GNG5: variants seen among roughly 807,000 people sequenced by gnomAD.
GNG5 encodes the protein guanine nucleotide-binding protein G(I)/G(S)/G(O) subunit gamma-5.
GNG5 carries 2 observed loss-of-function variants against 6.2 expected under a neutral mutation model. That is an observed-to-expected ratio of 0.32 (90% CI 0.13 to 1.01). The LOEUF (loss-of-function observed/expected upper bound fraction) is 1.01. Among genes scored for constraint, GNG5 ranks in the 50% least tolerant of loss-of-function variants. GNG5 has a pLI of 0.48. For missense variants in GNG5, 57 were observed against 80.2 expected, an observed-to-expected ratio of 0.71 and a Z score of 1.10; for synonymous variants, 24 against 33.0, an observed-to-expected ratio of 0.73 and a Z score of 0.93.
chr1:84,501,061 TAACA>T (rs1283693057), intron 3 of GNG5, among the ~76,000 whole-genome samples: 6 of 152,204 alleles, frequency 3.9e-5, no homozygotes, highest in Admixed American at 1.3e-4. Context: ...TCTCTTAGAT[TAACA>T]TACATTTTGT....
chr1:84,500,764 T>TA (rs900832435), intron 3 of GNG5, among the ~76,000 whole-genome samples: 23 of 152,254 alleles, frequency 1.5e-4, no homozygotes, highest in African/African-American at 5.5e-4. Flanking sequence ...AACATGTACT[T>TA]ATACAGACTT....
rs1682060363 is a variant in GNG5, at chr1:84,501,695, C to T, written c.*19+131G>A. On this transcript the variant is annotated intron_variant, in intron 3 of 3. Transcript: ENST00000370645. ...GTTTCATGAATCCTCACTTTCCTTG[C>T]AAAACAGAAAAATACTGGAAATGGA... 3 of 610,650 alleles carry T rather than the reference C, an allele frequency of 4.9e-6. No homozygotes were observed. The Admixed American group carries it at 8.9e-5, about 18-fold the overall frequency. The allele number at this position is 610,650 out of a possible 1,614,324, so 37.8% of individuals were successfully genotyped here. A position where few individuals can be genotyped will look rare whatever the true frequency, so the allele number is the denominator to read the frequency against.
At chr1:84,499,840 G>T (rs1434785193) in intron 3 of GNG5, among the ~76,000 whole-genome samples, 1 of 152,170 alleles carries the variant, frequency 6.6e-6, no homozygotes, top group African/African-American at 2.4e-5. Flanking sequence ...ACAGGGCCGG[G>T]CACGGTGGCT....
intron 2 of GNG5, among the ~76,000 whole-genome samples, chr1:84,505,761 C>T (rs1049948267): frequency 2.0e-5 from 3 of 152,180 alleles, no homozygotes; most frequent in Admixed American, 1.3e-4. Flanking sequence ...CACGGTTCAA[C>T]CCAGGGGCCA....
chr1:84,505,980 C>A, intron 2 of GNG5, 31 bp downstream of exon 2: 1 of 1,412,952 alleles, frequency 7.1e-7, no homozygotes, highest in Non-Finnish European at 9.4e-7. Context: ...CCGCCGCCTT[C>A]CTCCCGCCTC....
At chr1:84,501,646 C>G (rs916113508) in intron 3 of GNG5, among the ~76,000 whole-genome samples, 180 bp downstream of exon 3, 2 of 152,112 alleles carry the variant, frequency 1.3e-5, no homozygotes, top group Non-Finnish European at 2.9e-5. Context: ...AAACGATTAG[C>G]CTTCATGGCT....
intron 2 of GNG5, among the ~76,000 whole-genome samples, chr1:84,503,254 C>T (rs1682092944): frequency 6.6e-6 from 1 of 152,106 alleles, no homozygotes; most frequent in South Asian, 2.1e-4. Context: ...AGTCTTTATC[C>T]GCAAGGAGGC....
At chr1:84,503,990 A>G (rs1444778812) in intron 2 of GNG5, among the ~76,000 whole-genome samples, 4 of 152,192 alleles carry the variant, frequency 2.6e-5, no homozygotes, top group Non-Finnish European at 5.9e-5. Context: ...TAAAACTGGA[A>G]CAAGCTGCTA....
rs1335513254 is a variant in GNG5 at position 84,506,348 on chromosome 1, G to A, written c.-210-47C>T. 249 of 361,172 alleles carry A rather than the reference G, an allele frequency of 6.9e-4. 1 individual carries two copies. The highest frequency in any genetic ancestry group is 5.6e-5 in the Non-Finnish European group (11 of 197,522). 22.4% of individuals were successfully genotyped at this position (361,172 alleles called of 1,614,324 possible). ...GGGCGGAGCAGTCGGTGGGCGCGGC[G>A]GCTGCTGGAGGCTAGCGCGACCCGA... On this transcript the variant is annotated intron_variant, in intron 1 of 3. Transcript: ENST00000370645.
chr1:84,501,929 C>G lies in GNG5; in HGVS notation c.123G>C (p.Gln41His), dbSNP rs369716434. 9 of 1,609,820 alleles carry G rather than the reference C, an allele frequency of 5.6e-6. No individual in the cohort carries two copies. Among genetic ancestry groups the G allele is most frequent in the Non-Finnish European group, 8.5e-7 (1 of 1,176,246 alleles). Residue 41 changes from glutamine to histidine, a missense_variant, in exon 3 of 4, where the codon CAG becomes CAC. Gln to His is a conservative substitution (Grantham distance 24). Transcript: ENST00000370645. ...AAADLKQFCL[Q>H]NAQHDPLLTG... is the part of the protein sequence containing the mutation. ...TCAGCAGAGGGTCATGTTGAGCATT[C>G]TGCAGACAGAACTGTTTCAAGTCTG...
chr1:84,502,257 C>T (rs575565807), intron 2 of GNG5, among the ~76,000 whole-genome samples: 10 of 151,484 alleles, frequency 6.6e-5, no homozygotes, highest in Non-Finnish European at 1.3e-4. Context: ...CCTCAGCCTC[C>T]TGAGTAGCTG....
At chr1:84,499,457 T>A (rs905724744) in intron 3 of GNG5, among the ~76,000 whole-genome samples, 3 of 152,228 alleles carry the variant, frequency 2.0e-5, no homozygotes, top group African/African-American at 7.2e-5. Flanking sequence ...TCACTCCTTT[T>A]TACTTCTAGA....
At chr1:84,502,082 C>A in intron 2 of GNG5, 112 bp from the exon 3 acceptor site, 137 of 475,352 alleles carry the variant, frequency 2.9e-4, no homozygotes, top group East Asian at 5.3e-4. Context: ...TCTCTTGCTT[C>A]AAAAGAAGAT....
chr1:84,502,717 C>T (rs183280403), intron 2 of GNG5, among the ~76,000 whole-genome samples: 1 of 152,232 alleles, frequency 6.6e-6, no homozygotes, highest in East Asian at 1.9e-4. Flanking sequence ...TGGAAAAATG[C>T]TACTGTGAAT....
chr1:84,502,590 A>G (rs939501832), intron 2 of GNG5, among the ~76,000 whole-genome samples: 1 of 152,230 alleles, frequency 6.6e-6, no homozygotes, highest in African/African-American at 2.4e-5. Flanking sequence ...CTTATTAATA[A>G]TAGGCTGTTC....
At chr1:84,506,394 C>T (rs189786029) in intron 1 of GNG5, 42 bp downstream of exon 1, 2 of 255,292 alleles carry the variant, frequency 7.8e-6, no homozygotes, top group Admixed American at 1.2e-4. Context: ...TTCTTTTCCT[C>T]TCCAGAGGGG....
intron 3 of GNG5, among the ~76,000 whole-genome samples, chr1:84,500,810 G>T (rs559752612): frequency 3.9e-5 from 6 of 152,178 alleles, no homozygotes; most frequent in Admixed American, 1.3e-4. Context: ...CTTAATTAAG[G>T]AGGGCACAAC....
Sources: allele counts gnomAD v4.1 joint callset (sites outside exome capture counted in the v4.1 genomes callset), GRCh38; gene constraint gnomAD v4.1.1; transcripts MANE v1.5; gene names NCBI Gene and HGNC (gene_info 2026-07-23, HGNC 2026-07-21).